The following FGD4 variants were observed in gnomAD, a reference collection of about 807,000 sequenced individuals.
FGD4 encodes the protein FYVE, RhoGEF and PH domain-containing protein 4.
FGD4 carries 42 observed loss-of-function variants against 102.0 expected under a neutral mutation model. The observed-to-expected ratio is 0.41, with a 90% CI of 0.32 to 0.53. FGD4 has a LOEUF of 0.53. FGD4 is among the 20% of genes least tolerant of loss of function. The pLI, the probability that FGD4 is intolerant of heterozygous loss-of-function variation, is 0.21. For missense variants in FGD4, 902 were observed against 1,078.2 expected, an observed-to-expected ratio of 0.84 and a Z score of 2.29; for synonymous variants, 380 against 375.7, an observed-to-expected ratio of 1.01 and a Z score of -0.13.
At chr12:32,600,501 A>T (rs1007389598) in intron 5 of FGD4, 26 of 1,257,462 alleles carry the variant, frequency 2.1e-5, no homozygotes, top group Admixed American at 5.2e-5. Context: ...ACAGAATGGC[A>T]ATTAAGAGGT....
chr12:32,471,452 T>C (rs955406455), intron 1 of FGD4, among the ~76,000 whole-genome samples: 1 of 152,212 alleles, frequency 6.6e-6, no homozygotes, highest in Non-Finnish European at 1.5e-5. Flanking sequence ...GTTTCCTTTG[T>C]TTAAATGTTG....
At chr12:32,589,911 A>G (rs958944792) in intron 4 of FGD4, among the ~76,000 whole-genome samples, 1 of 152,144 alleles carries the variant, frequency 6.6e-6, no homozygotes, top group Non-Finnish European at 1.5e-5. Flanking sequence ...TAAGTTTGGG[A>G]AAATATTGGT....
rs374917482 is a variant in FGD4 at position 32,640,279 on chromosome 12, G to A, written c.2458G>A (p.Val820Ile). The A allele has an allele frequency of 1.2e-5, 19 of 1,614,048 alleles. No homozygotes were observed. Among genetic ancestry groups the A allele is most frequent in the Admixed American group, 1.7e-5 (1 of 59,996 alleles). Residue 820 changes from valine to isoleucine, a missense_variant, in exon 17 of 17, where the codon GTC (valine) becomes ATC (isoleucine). This residue lies in a region of FGD4 where 459 missense variants were observed against 619.0 expected (regional missense o/e 0.74). Coordinates refer to ENST00000534526, the MANE Select transcript of FGD4 (RefSeq NM_001370298.3). Reference sequence around the variant, plus strand: ...ATGTCTGATGTCTTTTCTTTAGGACGTCAGAGCCCAGGCCACCATTCCACT... The same window carrying A: ...ATGTCTGATGTCTTTTCTTTAGGACATCAGAGCCCAGGCCACCATTCCACT... The part of the protein sequence containing the change: ...VLYMYGAPQD[V>I]RAQATIPLLG...
chr12:32,533,295 G>C (rs887006118), intron 1 of FGD4, among the ~76,000 whole-genome samples: 3 of 152,210 alleles, frequency 2.0e-5, no homozygotes, highest in African/African-American at 7.2e-5. Flanking sequence ...GCACACTAGA[G>C]AGAGGGAACT....
intron 7 of FGD4, among the ~76,000 whole-genome samples, chr12:32,606,389 G>GA (rs1948781608): frequency 6.6e-6 from 1 of 151,198 alleles, no homozygotes; most frequent in South Asian, 2.1e-4. Context: ...TACATTAGAT[G>GA]AAAAAAATCT....
In FGD4 at chr12:32,486,085, G is replaced by A. The variant is rs1943891209; in HGVS notation, c.167-78052G>A. 3 of 1,523,522 alleles carry A rather than the reference G, an allele frequency of 2.0e-6. No homozygotes were observed. The East Asian group carries it at 7.4e-5, about 37-fold the overall frequency. 94.4% of individuals were successfully genotyped at this position (1,523,522 alleles called of 1,614,324 possible). ...GATCCAAATCCTTGCTCCAGAAGCA[G>A]GAAATAGGTTAATCAGAAGATTGCT... On this transcript the variant is annotated intron_variant, in intron 1 of 16. Transcript: ENST00000534526.
chr12:32,466,825 G>A (rs1434475657), intron 1 of FGD4, among the ~76,000 whole-genome samples: 5 of 140,222 alleles, frequency 3.6e-5, no homozygotes, highest in African/African-American at 8.3e-5. Flanking sequence ...CCAAGATGGC[G>A]TCACTGCACT....
intron 1 of FGD4, among the ~76,000 whole-genome samples, chr12:32,551,795 AG>A (rs1943691774): frequency 6.6e-6 from 1 of 152,198 alleles, no homozygotes; most frequent in African/African-American, 2.4e-5. Context: ...ATATGCGTGG[AG>A]TTCTTCATGA....
chr12:32,623,997 G>A (rs1248818152), intron 11 of FGD4, among the ~76,000 whole-genome samples: 3 of 152,100 alleles, frequency 2.0e-5, no homozygotes, highest in Admixed American at 6.5e-5. Context: ...AGGCTTTAGG[G>A]AGATATTTTA....
chr12:32,608,963 C>T (rs1180882253), intron 8 of FGD4, among the ~76,000 whole-genome samples: 1 of 152,188 alleles, frequency 6.6e-6, no homozygotes, highest in African/African-American at 2.4e-5. Context: ...GTTGCCCAGG[C>T]TGGAGTGCAG....
intron 1 of FGD4, among the ~76,000 whole-genome samples, chr12:32,490,581 C>CA (rs1207611522): frequency 6.6e-6 from 1 of 151,822 alleles, no homozygotes; most frequent in Non-Finnish European, 1.5e-5. Flanking sequence ...GTATTTTTAG[C>CA]AAAGACAGGG....
chr12:32,617,955 C>G (rs778856864), intron 10 of FGD4, among the ~76,000 whole-genome samples: 13 of 152,104 alleles, frequency 8.5e-5, no homozygotes, highest in Non-Finnish European at 1.5e-4. Context: ...TTTTAAGATT[C>G]ATATAGGATT....
At chr12:32,407,380 C>A (rs1940988179) in intron 1 of FGD4, among the ~76,000 whole-genome samples, 1 of 152,046 alleles carries the variant, frequency 6.6e-6, no homozygotes, top group South Asian at 2.1e-4. Flanking sequence ...CCTGCCTTAG[C>A]CTCCCAAAGT....
At chr12:32,523,290 G>C (rs1244732887) in intron 1 of FGD4, among the ~76,000 whole-genome samples, 1 of 152,178 alleles carries the variant, frequency 6.6e-6, no homozygotes, top group Non-Finnish European at 1.5e-5. Context: ...TGAAAGTGTG[G>C]TAAAATGTGC....
chr12:32,563,633 G>GGGAGGC (rs1411022585), intron 1 of FGD4, among the ~76,000 whole-genome samples: 1 of 152,176 alleles, frequency 6.6e-6, no homozygotes, highest in Non-Finnish European at 1.5e-5. Flanking sequence ...TCGGCACTTT[G>GGGAGGC]GGAGGCCAAG....
At chr12:32,451,588 G>GA (rs1450216274) in intron 1 of FGD4, among the ~76,000 whole-genome samples, 1 of 150,454 alleles carries the variant, frequency 6.6e-6, no homozygotes, top group Non-Finnish European at 1.5e-5. Flanking sequence ...TTTTTTCTTT[G>GA]AAAAATGCAT....
At chr12:32,486,797 T>A (rs1341409207) in intron 1 of FGD4, among the ~76,000 whole-genome samples, 1 of 152,234 alleles carries the variant, frequency 6.6e-6, no homozygotes, top group East Asian at 1.9e-4. Flanking sequence ...TATATTTAAC[T>A]GAAAAATCAT....
intron 1 of FGD4, among the ~76,000 whole-genome samples, chr12:32,449,241 A>G (rs11052009): frequency 0.015 from 2,231 of 152,310 alleles, 55 homozygotes; most frequent in African/African-American, 0.049. Context: ...TAGCTGTAAT[A>G]TAGCTATCAA....
intron 4 of FGD4, 22 bp downstream of exon 4, chr12:32,582,489 T>C (rs773408501): frequency 3.1e-6 from 5 of 1,605,528 alleles, no homozygotes; most frequent in South Asian, 1.1e-5. Context: ...GACTAGCTCA[T>C]GAGCAGGGAA....
Sources: allele counts gnomAD v4.1 joint callset (sites outside exome capture counted in the v4.1 genomes callset), GRCh38; gene constraint gnomAD v4.1.1; regional missense constraint gnomAD v4.1.1; transcripts MANE v1.5; gene names NCBI Gene and HGNC (gene_info 2026-07-23, HGNC 2026-07-21).